VIL1: variants seen among roughly 807,000 people sequenced by gnomAD.
VIL1 encodes the protein villin 1.
In VIL1, 86 loss-of-function variants were observed where a neutral mutation model predicts 104.0. The ratio of observed to expected loss-of-function variants is 0.83; its 90% CI spans 0.69 to 0.99. The LOEUF (loss-of-function observed/expected upper bound fraction) is 0.99. Ranked by LOEUF, VIL1 falls within the 50% of genes least tolerant of loss-of-function variation. The probability of loss-of-function intolerance (pLI) is 0.00; values close to 1 mark genes in which losing one functional copy is unlikely to be tolerated. For missense variants in VIL1, 944 were observed against 1,054.1 expected, an observed-to-expected ratio of 0.90 and a Z score of 1.45; for synonymous variants, 394 against 412.6, an observed-to-expected ratio of 0.95 and a Z score of 0.55.
chr2:218,428,696 A>G (rs545679327), intron 6 of VIL1, among the ~76,000 whole-genome samples: 178 of 152,098 alleles, frequency 1.2e-3, no homozygotes, highest in South Asian at 2.5e-3. Context: ...TTGGAAACAC[A>G]GTTTTGCTCT....
intron 6 of VIL1, 105 bp from the exon 7 acceptor site, chr2:218,429,180 T>G (rs1353183196): frequency 7.6e-7 from 1 of 1,323,598 alleles, no homozygotes; most frequent in Admixed American, 2.1e-5. Context: ...TCTCAACCCC[T>G]GTGGCTGCTG....
chr2:218,442,700 T>C (rs767894175), intron 19 of VIL1, among the ~76,000 whole-genome samples: 3 of 152,012 alleles, frequency 2.0e-5, no homozygotes, highest in Non-Finnish European at 4.4e-5. Context: ...AGCTTAGGGG[T>C]ATTGAGAGGA....
At chr2:218,425,908 TC>T (rs1688973135) in intron 4 of VIL1, 97 bp downstream of exon 4, 4 of 1,318,176 alleles carry the variant, frequency 3.0e-6, no homozygotes. Flanking sequence ...CCAGACCTGT[TC>T]AGGCCTGGGA....
In VIL1 at chr2:218,430,710, C is replaced by A. The variant is rs771766069; in HGVS notation, c.949-15C>A. Reference sequence around the variant, plus strand: ...GGGGAGGTGCATAGCTTCCAGCCACCCCTTTCTCTTCCAGAACTTCATCAA... The same window carrying A: ...GGGGAGGTGCATAGCTTCCAGCCACACCTTTCTCTTCCAGAACTTCATCAA... On this transcript the variant is annotated splice_polypyrimidine_tract_variant and intron_variant, in intron 9 of 19. Coordinates refer to ENST00000248444, the MANE Select transcript of VIL1 (RefSeq NM_007127.3). The A allele has an allele frequency of 7.7e-6, 12 of 1,566,902 alleles. No homozygotes were observed. Among genetic ancestry groups the A allele is most frequent in the Middle Eastern group, 3.4e-4 (2 of 5,830 alleles).
chr2:218,434,857 C>A, intron 14 of VIL1, 152 bp downstream of exon 14: 1 of 770,840 alleles, frequency 1.3e-6, no homozygotes, highest in Non-Finnish European at 2.1e-6. Context: ...TCTCTCCCTC[C>A]TCAGTAGCTC....
intron 14 of VIL1, among the ~76,000 whole-genome samples, 199 bp from the exon 15 acceptor site, chr2:218,435,088 GAA>G (rs1430828665): frequency 4.6e-5 from 6 of 131,654 alleles, no homozygotes; most frequent in Admixed American, 3.9e-4. Context: ...CTCGAACCTT[GAA>G]AAGACTCTCT....
chr2:218,433,694 G>A (rs956592590), intron 13 of VIL1, among the ~76,000 whole-genome samples: 2 of 152,138 alleles, frequency 1.3e-5, no homozygotes, highest in Non-Finnish European at 2.9e-5. Context: ...ATCACCTGAG[G>A]TCAGGAGTTC....
chr2:218,434,613 G>T lies in VIL1; in HGVS notation c.1588G>T (p.Ala530Ser). ...GGGAACTGGCGCCAACAACACCAAGGCCTTTGAGGTCCCAGCGCGGGCCAA... is the reference window on the plus strand; with the variant it reads ...GGGAACTGGCGCCAACAACACCAAGTCCTTTGAGGTCCCAGCGCGGGCCAA... The part of the protein sequence containing the change: ...VQGTGANNTK[A>S]FEVPARANFL... Residue 530 changes from alanine to serine, a missense_variant, in exon 14 of 20, where the codon GCC becomes TCC. Ala to Ser is a moderately conservative substitution (Grantham distance 99). Coordinates refer to ENST00000248444, the MANE Select transcript of VIL1 (RefSeq NM_007127.3). 1 of 1,614,142 alleles carries T rather than the reference G, an allele frequency of 6.2e-7. No homozygotes were observed. Among genetic ancestry groups the T allele is most frequent in the Non-Finnish European group, 8.5e-7 (1 of 1,180,022 alleles).
intron 19 of VIL1, among the ~76,000 whole-genome samples, chr2:218,441,942 T>G (rs1247469162): frequency 6.6e-6 from 1 of 151,978 alleles, no homozygotes; most frequent in Non-Finnish European, 1.5e-5. Flanking sequence ...AGCCGAGATT[T>G]CACCATTGCA....
In VIL1 at chr2:218,425,474, G is replaced by A; in HGVS notation, c.151-141G>A. Reference sequence around the variant, plus strand: ...TGGTAGAGCTGGGCCATGACTCAGGGCTCCTAACCGCCAGCCTAGTGCACT... The same window carrying A: ...TGGTAGAGCTGGGCCATGACTCAGGACTCCTAACCGCCAGCCTAGTGCACT... On this transcript the variant is annotated intron_variant, in intron 3 of 19. Transcript: ENST00000248444. 4.1e-6 allele frequency: 3 copies of A among 724,874 alleles called. No individual in the cohort carries two copies. In the East Asian group the frequency reaches 8.2e-5, roughly 20 times the overall value. 44.9% of individuals were successfully genotyped at this position (724,874 alleles called of 1,614,324 possible). A position where few individuals can be genotyped will look rare whatever the true frequency, so the allele number is the denominator to read the frequency against.
rs780169822 is a variant in VIL1 at position 218,440,766 on chromosome 2, C to A, written c.2274C>A (p.Asn758Lys). 3.1e-6 allele frequency: 5 copies of A among 1,614,160 alleles called. No homozygotes were observed. The East Asian group carries it at 1.1e-4, about 36-fold the overall frequency. The change falls in exon 19 of 20, where the codon AAC becomes AAA. Residue 758 changes from asparagine (N) to lysine (K), a missense_variant. Coordinates refer to ENST00000248444, the MANE Select transcript of VIL1 (RefSeq NM_007127.3). ...PKVDVFNANS[N>K]LSSGPLPIFP... ...TGGACGTGTTCAATGCTAACAGCAA[C>A]CTCAGTTCTGGGCCTCTGCCCATCT...
At chr2:218,437,577 A>T (rs1487349159) in intron 17 of VIL1, among the ~76,000 whole-genome samples, 1 of 152,226 alleles carries the variant, frequency 6.6e-6, no homozygotes, top group Non-Finnish European at 1.5e-5. Flanking sequence ...TAGGTAAGAA[A>T]TGTACTGATT....
chr2:218,446,513 G>A (rs1689366031), intron 19 of VIL1, among the ~76,000 whole-genome samples: 1 of 152,072 alleles, frequency 6.6e-6, no homozygotes, highest in Admixed American at 6.6e-5. Context: ...GGGATTACAG[G>A]TATGAGCCAC....
Position 218,427,980 on chromosome 2 carries a change from C to A in VIL1, c.363C>A (p.Gly121=). 2 of 1,613,904 alleles carry A rather than the reference C, an allele frequency of 1.2e-6. No homozygotes were observed. Among genetic ancestry groups the A allele is most frequent in the East Asian group, 2.2e-5 (1 of 44,898 alleles). The change falls in exon 5 of 20, where the codon GGC becomes GGA. Residue 121 remains glycine, a synonymous_variant. Coordinates refer to ENST00000248444, the MANE Select transcript of VIL1 (RefSeq NM_007127.3). ...FKQGLVIRKG[G]VASGMKHVET... is the part of the protein sequence containing the mutation. Reference sequence around the variant, plus strand: ...CTCTTCTCAGGATCCGGAAAGGGGGCGTGGCTTCTGGCATGAAGCACGTGG... The same window carrying A: ...CTCTTCTCAGGATCCGGAAAGGGGGAGTGGCTTCTGGCATGAAGCACGTGG...
In VIL1 at chr2:218,451,824, T is replaced by C. The variant is rs941772531; in HGVS notation, c.*2488T>C. The C allele has an allele frequency of 6.5e-6, 1 of 152,682 alleles. No homozygotes were observed. Among genetic ancestry groups the C allele is most frequent in the Non-Finnish European group, 1.5e-5 (1 of 68,040 alleles). The allele number at this position is 152,682 out of a possible 1,614,324, so 9.5% of individuals were successfully genotyped here. On this transcript the variant is annotated 3_prime_UTR_variant, in exon 20 of 20. Coordinates refer to ENST00000248444, the MANE Select transcript of VIL1 (RefSeq NM_007127.3). Reference sequence around the variant, plus strand: ...ATATTTACATTTGTTGTATTTGTTATTGAGCCTTTAAGGTTAGGCCCAGAA... The same window carrying C: ...ATATTTACATTTGTTGTATTTGTTACTGAGCCTTTAAGGTTAGGCCCAGAA...
intron 6 of VIL1, 146 bp downstream of exon 6, chr2:218,428,483 T>C (rs1197221559): frequency 1.5e-6 from 1 of 688,016 alleles, no homozygotes; most frequent in Non-Finnish European, 2.6e-6. Context: ...GGCATGCATG[T>C]TGGAGTTTGC....
chr2:218,448,384 G>A (rs1188698189), intron 19 of VIL1, among the ~76,000 whole-genome samples: 1 of 151,998 alleles, frequency 6.6e-6, no homozygotes, highest in Non-Finnish European at 1.5e-5. Context: ...GGCCAACAAG[G>A]CAAAACCTCA....
chr2:218,427,688 C>A (rs544913093), intron 4 of VIL1, among the ~76,000 whole-genome samples: 2 of 152,282 alleles, frequency 1.3e-5, no homozygotes, highest in Admixed American at 1.3e-4. Flanking sequence ...CTCCACAGGG[C>A]AGGGACTAGG....
chr2:218,432,973 G>A, intron 13 of VIL1, 22 bp downstream of exon 13: 1 of 1,613,756 alleles, frequency 6.2e-7, no homozygotes, highest in Non-Finnish European at 8.5e-7. Context: ...GAACTGAGGT[G>A]TCTGGCAGTA....
Sources: allele counts gnomAD v4.1 joint callset (sites outside exome capture counted in the v4.1 genomes callset), GRCh38; gene constraint gnomAD v4.1.1; transcripts MANE v1.5; gene names NCBI Gene and HGNC (gene_info 2026-07-23, HGNC 2026-07-21).